The following FAT2 variants were observed in gnomAD, a reference collection of about 807,000 sequenced individuals.
FAT2 encodes protocadherin Fat 2.
Under a neutral mutation model 295.3 loss-of-function variants are expected in FAT2, and 150 were observed. The observed-to-expected ratio is 0.51, with a 90% CI of 0.44 to 0.58. The LOEUF (loss-of-function observed/expected upper bound fraction) is 0.58, where lower values mean the gene tolerates loss of function less well. Among genes scored for constraint, FAT2 ranks in the 20% least tolerant of loss-of-function variants. The probability of loss-of-function intolerance (pLI) is 0.00; values close to 1 mark genes in which losing one functional copy is unlikely to be tolerated. For missense variants in FAT2, 4,868 were observed against 5,442.7 expected (o/e 0.89, Z 3.32); for synonymous variants, 2,026 against 2,150.3 (o/e 0.94, Z 1.60).
intron 16 of FAT2, 74 bp downstream of exon 16, chr5:151,527,922 C>T: frequency 6.4e-7 from 1 of 1,555,272 alleles, no homozygotes; most frequent in Non-Finnish European, 8.7e-7. Flanking sequence ...GACAGCGATT[C>T]ATCTTCTGGA....
At position 151,521,999 on chromosome 5, in the gene FAT2, G is replaced by A; in HGVS notation, c.10594C>T (p.Leu3532Phe). 1.2e-6 allele frequency: 2 copies of A among 1,614,196 alleles called. No individual in the cohort carries two copies. Among genetic ancestry groups the A allele is most frequent in the Admixed American group, 1.7e-5 (1 of 60,032 alleles). The change falls in exon 19 of 24, where the codon CTC becomes TTC. Residue 3532 changes from leucine to phenylalanine, a missense_variant. Leu to Phe is a conservative substitution (Grantham distance 22). Transcript: ENST00000261800. ...ACAGTGATGAAGATCTCCAGTGGGA[G>A]AGCAGAAGGTGCATAGTGGCTCTGC... is the stretch of plus-strand genomic sequence containing the variant. Reference protein sequence around the residue: ...TEQSHYAPSALPLEIFITVGE... With the variant: ...TEQSHYAPSAFPLEIFITVGE...
At position 151,521,824 on chromosome 5, in the gene FAT2, G is replaced by A. The variant is rs949403640; in HGVS notation, c.10769C>T (p.Ala3590Val). 1.9e-6 allele frequency: 3 copies of A among 1,614,168 alleles called. No individual in the cohort carries two copies. The highest frequency in any genetic ancestry group is 1.7e-5 in the Admixed American group (1 of 60,030). ...VGAPDGKIIA[A>V]QGLPRGHYSF... ...GTAGTGGCCACGAGGCAGGCCCTGG[G>A]CGGCGATAATCTTGCCATCAGGCGC... The change falls in exon 19 of 24, where the codon GCC becomes GTC. Residue 3590 changes from alanine to valine, a missense_variant. Physicochemically the swap from Ala to Val is moderately conservative, Grantham distance 64. Coordinates refer to ENST00000261800, the MANE Select transcript of FAT2 (RefSeq NM_001447.3).
At chr5:151,565,647 A>ACGGCCCCCC in intron 2 of FAT2, 26 bp downstream of exon 2, 7 of 1,461,020 alleles carry the variant, frequency 4.8e-6, no homozygotes, top group Non-Finnish European at 3.7e-6. Flanking sequence ...TGGCCCTGGC[A>ACGGCCCCCC]CCCCACCCTA....
Position 151,546,878 on chromosome 5 carries a change from A to G in FAT2, c.4790-541T>C, listed in dbSNP as rs1288284724. ...CAGGTGTGAGCCACCGTGCCTGGCT[A>G]CATTTTTAATATAATTTTTAATAGC... On this transcript the variant is annotated intron_variant, in intron 9 of 23. Coordinates refer to ENST00000261800, the MANE Select transcript of FAT2 (RefSeq NM_001447.3). Among the ~76,000 whole-genome samples, 4 of 152,230 alleles carry G rather than the reference A, an allele frequency of 2.6e-5. No individual in the cohort carries two copies. In the South Asian group the frequency reaches 8.3e-4, roughly 32 times the overall value.
chr5:151,587,588 G>A (rs924185295), intron 1 of FAT2, among the ~76,000 whole-genome samples: 4 of 152,072 alleles, frequency 2.6e-5, no homozygotes, highest in African/African-American at 4.8e-5. Context: ...CTATAACCCA[G>A]CTACTGTCAC....
chr5:151,512,197 T>A lies in FAT2; in HGVS notation c.11873A>T (p.Asn3958Ile). 2 of 1,614,154 alleles carry A rather than the reference T, an allele frequency of 1.2e-6. No homozygotes were observed. Among genetic ancestry groups the A allele is most frequent in the Non-Finnish European group, 1.7e-6 (2 of 1,179,986 alleles). Residue 3958 changes from asparagine (N) to isoleucine (I), a missense_variant, in exon 21 of 24, where the codon AAT becomes ATT. Coordinates refer to ENST00000261800, the MANE Select transcript of FAT2 (RefSeq NM_001447.3). The surrounding 1 kb of genome is among the most constrained non-coding windows in gnomAD (Gnocchi z 4.1). The stretch of plus-strand genomic sequence containing the variant: ...ATGGGTCCATGAGCACTTCCCACCA[T>A]TGAGGCATGTGTTCTGGCTGCAGTA... ...SDYCSQNTCL[N>I]GGKCSWTHGA...
rs774569146 is a variant in FAT2, at chr5:151,545,445, C to T, written c.5682G>A (p.Val1894=). The change falls in exon 10 of 24, where the codon GTG becomes GTA. Residue 1894 remains valine, a synonymous_variant. Coordinates refer to ENST00000261800, the MANE Select transcript of FAT2 (RefSeq NM_001447.3). ...PIHPGMELLM[V]RASDEDSEVN... The stretch of plus-strand genomic sequence containing the variant: ...CTTCTGAGTCTTCATCGCTGGCCCG[C>T]ACCATGAGAAGCTCCATGCCTGGAT... 4.3e-6 allele frequency: 7 copies of T among 1,614,046 alleles called. No homozygotes were observed. The highest frequency in any genetic ancestry group is 4.5e-5 in the East Asian group (2 of 44,898).
rs145215828 is a variant in FAT2 at position 151,566,263 on chromosome 5, A to G, written c.2669T>C (p.Ile890Thr). 506 of 1,614,108 alleles carry G rather than the reference A, an allele frequency of 3.1e-4. 5 individuals carry two copies. In the East Asian group the frequency reaches 0.011, roughly 36 times the overall value. ...CTGATCCCTGGCCTCCACCTTGAGT[A>G]TGTACCGAGGCTCTGATTCGCGGTC... Reference protein sequence around the residue: ...HLDRESEPRYILKVEARDQPS... With the variant: ...HLDRESEPRYTLKVEARDQPS... The change falls in exon 2 of 24, where the codon ATA (isoleucine) becomes ACA (threonine). Residue 890 changes from isoleucine (I) to threonine (T), a missense_variant. Physicochemically the swap from Ile to Thr is moderately conservative, Grantham distance 89. Coordinates refer to ENST00000261800, the MANE Select transcript of FAT2 (RefSeq NM_001447.3).
chr5:151,513,526 A>G (rs1182495541), intron 20 of FAT2, among the ~76,000 whole-genome samples: 1 of 152,202 alleles, frequency 6.6e-6, no homozygotes, highest in Non-Finnish European at 1.5e-5. Context: ...TCTCACTTAC[A>G]AGTGGGAACT....
At chr5:151,559,202 G>A (rs753281375) in intron 3 of FAT2, among the ~76,000 whole-genome samples, 23 of 152,178 alleles carry the variant, frequency 1.5e-4, no homozygotes, top group South Asian at 6.2e-4. Context: ...GGGCTCTGTC[G>A]GGGGCGTGTT....
chr5:151,510,224 A>C (rs1326078085), intron 21 of FAT2, 50 bp from the exon 22 acceptor site: 1 of 1,596,630 alleles, frequency 6.3e-7, no homozygotes, highest in Non-Finnish European at 8.6e-7. Context: ...TAGCAGTTAA[A>C]GGAGACCTGG....
rs1561811770 is a variant in FAT2, at chr5:151,510,075, A to G, written c.12005T>C (p.Ile4002Thr). Residue 4002 changes from isoleucine to threonine, a missense_variant, in exon 22 of 24, where the codon ATC (isoleucine) becomes ACC (threonine). Coordinates refer to ENST00000261800, the MANE Select transcript of FAT2 (RefSeq NM_001447.3). ...ACAGGAAGCTCCTTTGGGGGAGAGG[A>G]TGCAAGTTCCACCTTCCAGGCAGGG... ...FAPCLEGGTC[I>T]LSPKGASCNC... 6.2e-7 allele frequency: 1 copy of G among 1,614,186 alleles called. No individual in the cohort carries two copies. Among genetic ancestry groups the G allele is most frequent in the Middle Eastern group, 1.7e-4 (1 of 6,060 alleles).
intron 1 of FAT2, among the ~76,000 whole-genome samples, chr5:151,580,685 A>G (rs1758917783): frequency 6.6e-6 from 1 of 152,208 alleles, no homozygotes; most frequent in South Asian, 2.1e-4. Context: ...GAGCAGCATT[A>G]AAATAATAAC....
At position 151,531,277 on chromosome 5, in the gene FAT2, C is replaced by G. The variant is rs995953314; in HGVS notation, c.9811+310G>C. The stretch of plus-strand genomic sequence containing the variant: ...AGCCAAGCCGTTTCTGCCTCCTGCG[C>G]TGGGCCTGAGCTGAGACCATGAAGC... On this transcript the variant is annotated intron_variant, in intron 14 of 23. Transcript: ENST00000261800. This position sits in a 1 kb window ranked among gnomAD's most constrained non-coding sequence, Gnocchi z 5.7. Among the ~76,000 whole-genome samples the G allele has an allele frequency of 6.6e-6, 1 of 152,172 alleles. No individual in the cohort carries two copies. The highest frequency in any genetic ancestry group is 2.4e-5 in the African/African-American group (1 of 41,442).
chr5:151,541,194 G>A (rs1005603275), intron 10 of FAT2, among the ~76,000 whole-genome samples: 1 of 152,202 alleles, frequency 6.6e-6, no homozygotes, highest in Non-Finnish European at 1.5e-5. Flanking sequence ...CTAAGTGGAG[G>A]TTCTGTAGGA....
chr5:151,582,826 T>C (rs1759012078), intron 1 of FAT2, among the ~76,000 whole-genome samples: 1 of 152,188 alleles, frequency 6.6e-6, no homozygotes, highest in Admixed American at 6.5e-5. Flanking sequence ...GTGGGACTCA[T>C]ATTTCCTCTG....
In FAT2 at chr5:151,566,609, C is replaced by G; in HGVS notation, c.2323G>C (p.Ala775Pro). The G allele has an allele frequency of 6.2e-7, 1 of 1,614,178 alleles. No homozygotes were observed. Among genetic ancestry groups the G allele is most frequent in the African/African-American group, 1.3e-5 (1 of 75,050 alleles). Reference protein sequence around the residue: ...IELETGLLTVAAPLDYEATNF... With the variant: ...IELETGLLTVPAPLDYEATNF... ...GTGGCTTCATAGTCCAAGGGAGCAG[C>G]TACAGTGAGCAGCCCTGTCTCCAGC... is the stretch of plus-strand genomic sequence containing the variant. The change falls in exon 2 of 24, where the codon GCT becomes CCT. Residue 775 changes from alanine (A) to proline (P), a missense_variant. Physicochemically the swap from Ala to Pro is conservative, Grantham distance 27 (BLOSUM62 -1). Around this residue, in one of 5 missense-constraint regions of FAT2, gnomAD observed 3,297 missense variants for 3,669.4 expected, o/e 0.90. Transcript: ENST00000261800.
rs1367931827 is a variant in FAT2 at position 151,531,707 on chromosome 5, C to T, written c.9691G>A (p.Ala3231Thr). 1.2e-6 allele frequency: 2 copies of T among 1,613,840 alleles called. No individual in the cohort carries two copies. Among genetic ancestry groups the T allele is most frequent in the Non-Finnish European group, 1.7e-6 (2 of 1,179,922 alleles). ...TGCAGCACCTCCGTGCCAGGTGGGG[C>T]GTCCTCGGGCACCTGCACGCTGTGC... is the stretch of plus-strand genomic sequence containing the variant. ...TEHSVQVPED[A>T]PPGTEVLQLA... Residue 3231 changes from alanine (A) to threonine (T), a missense_variant, in exon 14 of 24, where the codon GCC (alanine) becomes ACC (threonine). Transcript: ENST00000261800. This position sits in a 1 kb window ranked among gnomAD's most constrained non-coding sequence, Gnocchi z 5.7.
At chr5:151,565,469 A>G (rs2127644041) in intron 2 of FAT2, among the ~76,000 whole-genome samples, 1 of 152,226 alleles carries the variant, frequency 6.6e-6, no homozygotes, top group East Asian at 1.9e-4. Context: ...ATATATGTGT[A>G]TGTGTATATG....
Sources: allele counts gnomAD v4.1 joint callset (sites outside exome capture counted in the v4.1 genomes callset), GRCh38; gene constraint gnomAD v4.1.1; regional missense constraint gnomAD v4.1.1; non-coding constraint Gnocchi (gnomAD v3.1); transcripts MANE v1.5; gene names NCBI Gene and HGNC (gene_info 2026-07-23, HGNC 2026-07-21).